ATP2A1: variants seen among roughly 807,000 people sequenced by gnomAD.
ATP2A1 encodes ATPase sarcoplasmic/endoplasmic reticulum Ca2+ transporting 1.
A neutral mutation model predicts 109.5 loss-of-function variants in ATP2A1; 83 were observed. The observed-to-expected ratio is 0.76, with a 90% confidence interval of 0.63 to 0.91. The LOEUF (loss-of-function observed/expected upper bound fraction) is 0.91. Ranked by LOEUF, ATP2A1 falls within the 40% of genes least tolerant of loss-of-function variation. The probability of loss-of-function intolerance (pLI) is 0.00; values close to 1 mark genes in which losing one functional copy is unlikely to be tolerated. For synonymous variants in ATP2A1, 505 were observed against 537.6 expected (o/e 0.94, Z 0.84); for missense variants, 1,101 against 1,341.0 (o/e 0.82, Z 2.80).
At chr16:28,899,294 A>AGGG (rs1413788875) in intron 14 of ATP2A1, among the ~76,000 whole-genome samples, 1 of 152,222 alleles carries the variant, frequency 6.6e-6, no homozygotes, top group Non-Finnish European at 1.5e-5. Flanking sequence ...ACGTAGTGGC[A>AGGG]CTGCCAAAAG....
In ATP2A1 at chr16:28,878,748, C is replaced by G. The variant is rs747437846; in HGVS notation, c.77C>G (p.Pro26Arg). 6 of 1,613,730 alleles carry G rather than the reference C, an allele frequency of 3.7e-6. No individual in the cohort carries two copies. Among genetic ancestry groups the G allele is most frequent in the Non-Finnish European group, 5.1e-6 (6 of 1,179,828 alleles). The stretch of plus-strand genomic sequence containing the variant: ...GTGAGTGAGACCACGGGCCTCACCC[C>G]GGACCAAGTTAAGCGGAATCTGGAG... The part of the protein sequence containing the change: ...FGVSETTGLT[P>R]DQVKRNLEKY... The change falls in exon 1 of 23, where the codon CCG becomes CGG. Residue 26 changes from proline to arginine, a missense_variant. Pro to Arg is a moderately radical substitution (Grantham distance 103). Transcript: ENST00000395503.
chr16:28,893,888 G>A (rs1241388764), intron 9 of ATP2A1, among the ~76,000 whole-genome samples: 1 of 151,940 alleles, frequency 6.6e-6, no homozygotes. Flanking sequence ...CAGGTGATCC[G>A]CCCACCTCAG....
chr16:28,897,130 T>G (rs980059230), intron 12 of ATP2A1, among the ~76,000 whole-genome samples: 4 of 151,998 alleles, frequency 2.6e-5, no homozygotes. Context: ...ACAGAGTACC[T>G]CCAATGCTCC....
chr16:28,878,609 C>T lies in ATP2A1; in HGVS notation c.-63C>T. ...GGCAGTTGGACACACTGAGGAAGAC[C>T]CCCCACGAGTGGGAACCCCCTGGAA... On this transcript the variant is annotated 5_prime_UTR_variant, in exon 1 of 23. Transcript: ENST00000395503. The T allele has an allele frequency of 7.3e-7, 1 of 1,363,852 alleles. No individual in the cohort carries two copies. The allele number at this position is 1,363,852 out of a possible 1,614,324, so 84.5% of individuals were successfully genotyped here.
At chr16:28,889,051 T>C (rs1963697755) in intron 9 of ATP2A1, 98 bp downstream of exon 9, 1 of 1,527,456 alleles carries the variant, frequency 6.5e-7, no homozygotes, top group Admixed American at 1.7e-5. Context: ...CACTGCTGGC[T>C]TCTCATCTGG....
chr16:28,879,271 G>T (rs1963378867), intron 2 of ATP2A1, 155 bp downstream of exon 2: 2 of 1,059,872 alleles, frequency 1.9e-6, no homozygotes, highest in East Asian at 4.8e-5. Flanking sequence ...GTCCGGGGCA[G>T]AAGTCTCCCA....
At chr16:28,892,614 C>T (rs1002107887) in intron 9 of ATP2A1, 9 of 155,916 alleles carry the variant, frequency 5.8e-5, no homozygotes, top group African/African-American at 1.2e-4. Context: ...TCTCTCTTCT[C>T]GGGAATGAAA....
At chr16:28,900,471 CTCCCCACCACTTCCTGACCTTT>C in intron 14 of ATP2A1, 88 bp from the exon 15 acceptor site, 2 of 932,368 alleles carry the variant, frequency 2.1e-6, no homozygotes, top group East Asian at 3.0e-5. Context: ...CTTCCCACCC[CTCCCCACCACTTCCTGACCTTT>C]CACCCCATCC....
At chr16:28,888,737 T>C in intron 8 of ATP2A1, 50 bp from the exon 9 acceptor site, 3 of 1,600,374 alleles carry the variant, frequency 1.9e-6, no homozygotes, top group Non-Finnish European at 1.7e-6. Context: ...GCAGGTTCCC[T>C]CACACCCTCC....
At position 28,883,382 on chromosome 16, in the gene ATP2A1, C is replaced by T. The variant is rs533669921; in HGVS notation, c.463+793C>T. On this transcript the variant is annotated intron_variant, in intron 5 of 22. Transcript: ENST00000395503. The surrounding 1 kb of genome is among the most constrained non-coding windows in gnomAD (Gnocchi z 5.2). ...CCCCATCACAGGGCAGCCTTGCCGCCGTGACAGCATGGAGTCAGCGCCATG... is the reference window on the plus strand; with the variant it reads ...CCCCATCACAGGGCAGCCTTGCCGCTGTGACAGCATGGAGTCAGCGCCATG... 7.9e-5 allele frequency among the ~76,000 whole-genome samples: 12 copies of T among 152,314 alleles called. 1 individual carries two copies. The highest frequency in any genetic ancestry group is 6.5e-4 in the Admixed American group (10 of 15,304).
chr16:28,903,239 A>G lies in ATP2A1; in HGVS notation c.2863-84A>G. 6.4e-7 allele frequency: 1 copy of G among 1,573,468 alleles called. No homozygotes were observed. Among genetic ancestry groups the G allele is most frequent in the Admixed American group, 1.7e-5 (1 of 59,916 alleles). On this transcript the variant is annotated intron_variant, in intron 20 of 22. Transcript: ENST00000395503. This position sits in a 1 kb window ranked among gnomAD's most constrained non-coding sequence, Gnocchi z 5.6. ...CTCCCACCAGGGGCGCCGATGTGGG[A>G]GGCTGGTGGGAGTGGGCTGGGCAGT...
intron 9 of ATP2A1, 76 bp downstream of exon 9, chr16:28,889,029 G>A: frequency 2.5e-6 from 4 of 1,579,494 alleles, no homozygotes; most frequent in Non-Finnish European, 3.5e-6. Context: ...AAAGATAGAG[G>A]TCTCCCTTCA....
In ATP2A1 at chr16:28,904,417, C is replaced by T. The variant is rs529261952; in HGVS notation, c.*275C>T. 14 of 1,533,808 alleles carry T rather than the reference C, an allele frequency of 9.1e-6. No homozygotes were observed. The highest frequency in any genetic ancestry group is 5.5e-5 in the African/African-American group (4 of 73,108). ...GAGGGGCTTGCAGGGACAAGGCGAC[C>T]GACTGCGCTGAGCTGCTTATTTATT... is the stretch of plus-strand genomic sequence containing the variant. On this transcript the variant is annotated 3_prime_UTR_variant, in exon 23 of 23. Transcript: ENST00000395503.
Position 28,880,441 on chromosome 16 carries a change from C to G in ATP2A1, c.220-474C>G, listed in dbSNP as rs956315704. On this transcript the variant is annotated intron_variant, in intron 3 of 22. Transcript: ENST00000395503. This position sits in a 1 kb window ranked among gnomAD's most constrained non-coding sequence, Gnocchi z 4.2. ...GGCGGTGGCAACAGCTGGGGCGGGG[C>G]GCGCGCAGGAGGCCCCGTAACCCTA... Among the ~76,000 whole-genome samples the G allele has an allele frequency of 1.3e-5, 2 of 152,218 alleles. No homozygotes were observed. Among genetic ancestry groups the G allele is most frequent in the Non-Finnish European group, 2.9e-5 (2 of 68,042 alleles).
Position 28,882,201 on chromosome 16 carries a change from C to T in ATP2A1, c.325-250C>T, listed in dbSNP as rs928743633. ...CTCGAACTCCTGACTTCAAGTGATC[C>T]GCCTGCCTCAGCCTCCCAGAGTGCT... On this transcript the variant is annotated intron_variant, in intron 4 of 22. Transcript: ENST00000395503. 2.7e-5 allele frequency among the ~76,000 whole-genome samples: 4 copies of T among 149,578 alleles called. 1 individual carries two copies. In the South Asian group the frequency reaches 8.4e-4, roughly 32 times the overall value.
chr16:28,902,940 C>G lies in ATP2A1; in HGVS notation c.2744+29C>G, dbSNP rs778953127. On this transcript the variant is annotated intron_variant, in intron 19 of 22. Transcript: ENST00000395503. This position sits in a 1 kb window ranked among gnomAD's most constrained non-coding sequence, Gnocchi z 4.8. The stretch of plus-strand genomic sequence containing the variant: ...GGGGCCCCCCAGCTACACCCACCAC[C>G]CTCCCCTGAGGCCACTGCCCACATC... The G allele has an allele frequency of 1.9e-6, 3 of 1,613,750 alleles. No individual in the cohort carries two copies.
chr16:28,903,094 A>G lies in ATP2A1; in HGVS notation c.2809A>G (p.Ile937Val), dbSNP rs1401514163. 3 of 1,613,478 alleles carry G rather than the reference A, an allele frequency of 1.9e-6. No individual in the cohort carries two copies. The highest frequency in any genetic ancestry group is 2.2e-5 in the East Asian group (1 of 44,860). ...PWVNIWLLGS[I>V]CLSMSLHFLI... ...GGTGAACATCTGGCTGCTGGGCTCC[A>G]TCTGCCTCTCCATGTCCCTGCACTT... Residue 937 changes from isoleucine to valine, a missense_variant, in exon 20 of 23, where the codon ATC becomes GTC. Physicochemically the swap from Ile to Val is conservative, Grantham distance 29. Transcript: ENST00000395503. The surrounding 1 kb of genome is among the most constrained non-coding windows in gnomAD (Gnocchi z 5.6).
chr16:28,895,119 A>G (rs924755748), intron 12 of ATP2A1, among the ~76,000 whole-genome samples, 166 bp downstream of exon 12: 1 of 152,212 alleles, frequency 6.6e-6, no homozygotes, highest in Non-Finnish European at 1.5e-5. Context: ...GGTGGGACCC[A>G]TTGTCCCTGG....
intron 12 of ATP2A1, 110 bp from the exon 13 acceptor site, chr16:28,897,890 G>C: frequency 7.1e-7 from 1 of 1,407,396 alleles, no homozygotes; most frequent in Non-Finnish European, 1.0e-6. Context: ...TTGTGCTATA[G>C]GGACCAGACT....
Sources: gnomAD v4.1 joint callset for allele counts (sites outside exome capture counted in the v4.1 genomes callset) on GRCh38, gnomAD v4.1.1 for gene constraint, Gnocchi (gnomAD v3.1) non-coding constraint, MANE v1.5 for transcripts, NCBI Gene and HGNC (gene_info 2026-07-23, HGNC 2026-07-21) for gene names.